Variants in ADAMTS3 observed in about 807,000 individuals in gnomAD.
ADAMTS3 encodes the protein A disintegrin and metalloproteinase with thrombospondin motifs 3.
Under a neutral mutation model 129.0 loss-of-function variants are expected in ADAMTS3, and 73 were observed. The observed-to-expected ratio is 0.57, with a 90% confidence interval of 0.47 to 0.69. ADAMTS3 has a LOEUF of 0.69. Among genes scored for constraint, ADAMTS3 ranks in the 30% least tolerant of loss-of-function variants. ADAMTS3 has a pLI of 0.00. For missense variants in ADAMTS3, 1,457 were observed against 1,514.5 expected (o/e 0.96, Z 0.63); for synonymous variants, 477 against 510.8 (o/e 0.93, Z 0.89).
intron 3 of ADAMTS3, among the ~76,000 whole-genome samples, chr4:72,509,737 G>A (rs957300465): frequency 1.3e-5 from 2 of 151,708 alleles, no homozygotes; most frequent in African/African-American, 4.8e-5. Flanking sequence ...AATGGAGGAG[G>A]AGCAAATATT....
At chr4:72,387,353 A>G (rs1721475129) in intron 4 of ADAMTS3, among the ~76,000 whole-genome samples, 1 of 152,222 alleles carries the variant, frequency 6.6e-6, no homozygotes, top group Admixed American at 6.5e-5. Context: ...CTGTCAGAAT[A>G]CAGATGTTCT....
At chr4:72,379,137 C>T (rs1354555769) in intron 4 of ADAMTS3, among the ~76,000 whole-genome samples, 1 of 152,114 alleles carries the variant, frequency 6.6e-6, no homozygotes, top group African/African-American at 2.4e-5. Flanking sequence ...ATGATAATCT[C>T]CTTTTTGATA....
chr4:72,567,321 CA>C (rs764977490), intron 2 of ADAMTS3, 52 bp downstream of exon 2: 22 of 1,578,102 alleles, frequency 1.4e-5, no homozygotes, highest in Non-Finnish European at 1.8e-5. Flanking sequence ...TAGCTCACTT[CA>C]TTCCCTTACT....
intron 4 of ADAMTS3, among the ~76,000 whole-genome samples, chr4:72,407,566 T>C (rs1722080509): frequency 1.3e-5 from 2 of 152,054 alleles, no homozygotes; most frequent in South Asian, 4.1e-4. Flanking sequence ...AATAAAAGAA[T>C]ACATAGCAAT....
intron 3 of ADAMTS3, among the ~76,000 whole-genome samples, chr4:72,536,781 T>C (rs554362972): frequency 5.9e-5 from 9 of 152,196 alleles, no homozygotes; most frequent in African/African-American, 9.7e-5. Context: ...TTGACTTCTG[T>C]CATCAACGGT....
intron 19 of ADAMTS3, among the ~76,000 whole-genome samples, chr4:72,292,704 G>A (rs936726868): frequency 2.6e-5 from 4 of 152,136 alleles, no homozygotes; most frequent in African/African-American, 9.7e-5. Flanking sequence ...TGTAATTCAG[G>A]CTAAAATGGA....
At chr4:72,329,202 A>T (rs1253950162) in intron 5 of ADAMTS3, among the ~76,000 whole-genome samples, 1 of 152,212 alleles carries the variant, frequency 6.6e-6, no homozygotes, top group Non-Finnish European at 1.5e-5. Flanking sequence ...GAATGCAAAA[A>T]GACATGCGGG....
At chr4:72,345,665 T>C (rs767912721) in intron 4 of ADAMTS3, among the ~76,000 whole-genome samples, 1 of 152,146 alleles carries the variant, frequency 6.6e-6, no homozygotes. Flanking sequence ...ATTGAGTGAA[T>C]GTCAGTTTCC....
chr4:72,375,665 T>C (rs1721117398), intron 4 of ADAMTS3, among the ~76,000 whole-genome samples: 1 of 152,116 alleles, frequency 6.6e-6, no homozygotes, highest in Admixed American at 6.6e-5. Context: ...AGGATAAAGA[T>C]CTGTGTACTT....
intron 3 of ADAMTS3, among the ~76,000 whole-genome samples, chr4:72,489,364 T>A (rs1371366678): frequency 6.6e-6 from 1 of 151,998 alleles, no homozygotes; most frequent in East Asian, 1.9e-4. Context: ...ATTCCAGAAG[T>A]AACAATTCAT....
intron 3 of ADAMTS3, among the ~76,000 whole-genome samples, chr4:72,546,683 A>G (rs1364738977): frequency 2.6e-5 from 4 of 152,192 alleles, no homozygotes; most frequent in Non-Finnish European, 5.9e-5. Context: ...CATAAAGCCT[A>G]CTAACCAAAA....
chr4:72,363,318 G>A (rs909005623), intron 4 of ADAMTS3, among the ~76,000 whole-genome samples: 3 of 152,016 alleles, frequency 2.0e-5, no homozygotes, highest in Non-Finnish European at 4.4e-5. Flanking sequence ...CGGATGAAAC[G>A]TTTGAAATAT....
chr4:72,383,987 A>G (rs1265634374), intron 4 of ADAMTS3, among the ~76,000 whole-genome samples: 1 of 151,716 alleles, frequency 6.6e-6, no homozygotes, highest in Non-Finnish European at 1.5e-5. Context: ...ACTAAAAAAT[A>G]CAATACTGAA....
chr4:72,526,741 TATA>T (rs1372269132), intron 3 of ADAMTS3, among the ~76,000 whole-genome samples: 1 of 14,968 alleles, frequency 6.7e-5, no homozygotes, highest in African/African-American at 2.1e-4. Context: ...TACATATATA[TATA>T]TATATATATA....
chr4:72,522,360 C>T (rs993026328), intron 3 of ADAMTS3, among the ~76,000 whole-genome samples: 1 of 152,158 alleles, frequency 6.6e-6, no homozygotes. Context: ...CCCCAGTCAA[C>T]TTACTTTTCA....
chr4:72,520,100 C>G (rs1276531058), intron 3 of ADAMTS3, among the ~76,000 whole-genome samples: 5 of 152,198 alleles, frequency 3.3e-5, no homozygotes, highest in Admixed American at 3.3e-4. Context: ...TGCTAGAGGT[C>G]CACTTCAGAC....
intron 3 of ADAMTS3, among the ~76,000 whole-genome samples, chr4:72,509,831 T>A (rs1226808195): frequency 6.1e-5 from 9 of 147,754 alleles, no homozygotes; most frequent in East Asian, 2.0e-4. Context: ...TACAGGTGAG[T>A]ATGTCTGATG....
At chr4:72,508,295 C>G (rs545672758) in intron 3 of ADAMTS3, among the ~76,000 whole-genome samples, 22 of 152,170 alleles carry the variant, frequency 1.4e-4, no homozygotes, top group South Asian at 1.2e-3. Context: ...CTTTAGAGGC[C>G]TATAAGCAGA....
intron 3 of ADAMTS3, among the ~76,000 whole-genome samples, chr4:72,468,491 C>T (rs11726564): frequency 0.22 from 33,034 of 151,950 alleles, 3,929 homozygotes; most frequent in Middle Eastern, 0.31. Context: ...AAATTACCCA[C>T]ATGGTAATTA....
Sources: allele counts gnomAD v4.1 joint callset (sites outside exome capture counted in the v4.1 genomes callset), GRCh38; gene constraint gnomAD v4.1.1; transcripts MANE v1.5; gene names NCBI Gene and HGNC (gene_info 2026-07-23, HGNC 2026-07-21).